The following SMCO1 variants were observed in gnomAD, a reference collection of about 807,000 sequenced individuals.
SMCO1 encodes the protein single-pass membrane and coiled-coil domain-containing protein 1.
A neutral mutation model predicts 7.5 loss-of-function variants in SMCO1; 9 were observed. The ratio of observed to expected loss-of-function variants is 1.20; its 90% CI spans 0.72 to 2.09. SMCO1 has a LOEUF of 2.09. Among genes scored for constraint, SMCO1 ranks in the 30% most tolerant of loss-of-function variants. SMCO1 has a pLI of 0.00. For synonymous variants in SMCO1, 90 were observed against 93.8 expected (o/e 0.96, Z 0.23); for missense variants, 219 against 253.1 (o/e 0.87, Z 0.91).
chr3:196,508,854 G>A lies in SMCO1; in HGVS notation c.201-523C>T, dbSNP rs576871475. Among the ~76,000 whole-genome samples the A allele has an allele frequency of 9.6e-5, 14 of 145,852 alleles. No individual in the cohort carries two copies. The East Asian group carries it at 2.0e-3, about 21-fold the overall frequency. ...CGGGAGGCTGAGGCAGGAGAATGGC[G>A]TGAACCCAGGAAGTGGAGCTTGCAG... On this transcript the variant is annotated intron_variant, in intron 2 of 2. Transcript: ENST00000397537.
At chr3:196,514,253 C>T (rs1733324164) in intron 1 of SMCO1, among the ~76,000 whole-genome samples, 1 of 152,190 alleles carries the variant, frequency 6.6e-6, no homozygotes, top group South Asian at 2.1e-4. Context: ...CTGTCTTCCA[C>T]CAGTCCCCTC....
chr3:196,517,580 ACC>A (rs77585822), upstream of SMCO1, among the ~76,000 whole-genome samples: 6 of 148,844 alleles, frequency 4.0e-5, no homozygotes, highest in Non-Finnish European at 5.9e-5. Flanking sequence ...CTCTAACAGC[ACC>A]CCCCCATACC....
rs1038648720 is a variant in SMCO1, at chr3:196,507,719, C to A, written c.*168G>T. On this transcript the variant is annotated 3_prime_UTR_variant, in exon 3 of 3. Coordinates refer to ENST00000397537, the MANE Select transcript of SMCO1 (RefSeq NM_001077657.3). ...TCATTACACAAAGAGCTTCTTCATT[C>A]TTTTATATGGCTGCAAAGAAAGTAT... is the stretch of plus-strand genomic sequence containing the variant. 1 of 577,522 alleles carries A rather than the reference C, an allele frequency of 1.7e-6. No homozygotes were observed. Among genetic ancestry groups the A allele is most frequent in the Non-Finnish European group, 3.1e-6 (1 of 325,642 alleles). 35.8% of individuals were successfully genotyped at this position (577,522 alleles called of 1,614,324 possible). A position where few individuals can be genotyped will look rare whatever the true frequency, so the allele number is the denominator to read the frequency against.
chr3:196,515,397 A>G (rs1214921616), upstream of SMCO1: 1 of 577,610 alleles, frequency 1.7e-6, no homozygotes. Flanking sequence ...ATCCAAATAT[A>G]GTTTCAAAGA....
At chr3:196,512,347 G>T (rs1055021176) in intron 1 of SMCO1, among the ~76,000 whole-genome samples, 3 of 152,226 alleles carry the variant, frequency 2.0e-5, no homozygotes, top group African/African-American at 4.8e-5. Flanking sequence ...CAACACACAT[G>T]CTACTTCTCT....
rs547578354 is a variant in SMCO1 at position 196,511,385 on chromosome 3, A to C, written c.51-1716T>G. On this transcript the variant is annotated intron_variant, in intron 1 of 2. Coordinates refer to ENST00000397537, the MANE Select transcript of SMCO1 (RefSeq NM_001077657.3). The stretch of plus-strand genomic sequence containing the variant: ...AGGGAAACCTGCCTGGGCCACCTAG[A>C]TTGTCCTTATGAGGGAAACCTGCCT... Among the ~76,000 whole-genome samples, 36 of 146,822 alleles carry C rather than the reference A, an allele frequency of 2.5e-4. No homozygotes were observed. In the East Asian group the frequency reaches 7.3e-3, roughly 30 times the overall value.
chr3:196,520,762 A>G, the SMCO1 span, among the ~76,000 whole-genome samples: 1 of 152,142 alleles, frequency 6.6e-6, no homozygotes, highest in Non-Finnish European at 1.5e-5. Flanking sequence ...AAATATGGAG[A>G]TGTGTGGGTG....
intron 1 of SMCO1, among the ~76,000 whole-genome samples, chr3:196,512,168 G>A (rs920915090): frequency 5.4e-5 from 8 of 149,468 alleles, no homozygotes; most frequent in South Asian, 2.1e-4. Context: ...GTAGATTGTG[G>A]TTATGAGGGA....
At chr3:196,520,769 G>T in the SMCO1 span, among the ~76,000 whole-genome samples, 1 of 152,122 alleles carries the variant, frequency 6.6e-6, no homozygotes, top group African/African-American at 2.4e-5. Context: ...GAGATGTGTG[G>T]GTGAAGGATT....
At chr3:196,519,885 G>A (rs1044470230), upstream of SMCO1, among the ~76,000 whole-genome samples, 7 of 152,026 alleles carry the variant, frequency 4.6e-5, no homozygotes, top group East Asian at 1.9e-4. Context: ...AACCACGGGC[G>A]GCACATTTAA....
At chr3:196,518,417 G>T (rs1036586871), upstream of SMCO1, among the ~76,000 whole-genome samples, 16 of 152,100 alleles carry the variant, frequency 1.1e-4, no homozygotes, top group African/African-American at 3.9e-4. Context: ...TAATTTTCTC[G>T]GCATGTGACA....
At chr3:196,515,126 C>G in intron 1 of SMCO1, 34 bp downstream of exon 1, 1 of 1,611,454 alleles carries the variant, frequency 6.2e-7, no homozygotes, top group South Asian at 1.1e-5. Context: ...AATAGCAGAC[C>G]CATGCTTGCT....
the SMCO1 span, among the ~76,000 whole-genome samples, chr3:196,520,910 A>T: frequency 6.6e-6 from 1 of 152,276 alleles, no homozygotes; most frequent in African/African-American, 2.4e-5. Flanking sequence ...TAATTAGTAT[A>T]AACATTGTTA....
At chr3:196,517,062 G>A (rs1733404760), upstream of SMCO1, among the ~76,000 whole-genome samples, 1 of 120,230 alleles carries the variant, frequency 8.3e-6, no homozygotes, top group Non-Finnish European at 1.6e-5. Context: ...TAGCAATTGC[G>A]CCACTGCACT....
chr3:196,516,349 C>T (rs1733389711), upstream of SMCO1, among the ~76,000 whole-genome samples: 1 of 151,748 alleles, frequency 6.6e-6, no homozygotes, highest in Admixed American at 6.6e-5. Context: ...TTGGCTTGGC[C>T]TTAAAGGTCA....
chr3:196,508,936 C>CAA (rs1206381414), intron 2 of SMCO1, among the ~76,000 whole-genome samples: 2 of 40,354 alleles, frequency 5.0e-5, no homozygotes, highest in African/African-American at 9.5e-5. Context: ...GACTCCATCT[C>CAA]AAAAAAAAAA....
intron 1 of SMCO1, among the ~76,000 whole-genome samples, chr3:196,513,399 G>C (rs750125398): frequency 2.0e-5 from 3 of 151,980 alleles, no homozygotes; most frequent in Admixed American, 6.6e-5. Context: ...GGGAGGCCAA[G>C]GCAGGTGGAT....
chr3:196,516,002 T>C (rs543997832), upstream of SMCO1, among the ~76,000 whole-genome samples: 1 of 85,180 alleles, frequency 1.2e-5, no homozygotes, highest in Non-Finnish European at 1.9e-5. Context: ...TATATATATA[T>C]ATATATATAT....
At chr3:196,518,717 CAA>C (rs2108665980), upstream of SMCO1, among the ~76,000 whole-genome samples, 1 of 152,306 alleles carries the variant, frequency 6.6e-6, no homozygotes, top group African/African-American at 2.4e-5. Flanking sequence ...GGAGCGGACT[CAA>C]AATCTGTCCT....
Sources: gnomAD v4.1 joint callset for allele counts (sites outside exome capture counted in the v4.1 genomes callset) on GRCh38, gnomAD v4.1.1 for gene constraint, MANE v1.5 for transcripts, NCBI Gene and HGNC (gene_info 2026-07-23, HGNC 2026-07-21) for gene names.